The following VPS13B variants were observed in gnomAD, a reference collection of about 807,000 sequenced individuals.
The protein encoded by VPS13B is vacuolar protein sorting 13 homolog B.
VPS13B carries 285 observed loss-of-function variants against 426.4 expected under a neutral mutation model. The observed-to-expected ratio is 0.67, with a 90% CI of 0.61 to 0.74. VPS13B has a LOEUF of 0.74. Ranked by LOEUF, VPS13B falls within the 30% of genes least tolerant of loss-of-function variation. The pLI is 0.00. For missense variants in VPS13B, 4,537 were observed against 4,782.6 expected (o/e 0.95, Z 1.51); for synonymous variants, 1,676 against 1,676.4 (o/e 1.00, Z 0.01).
At chr8:99,183,399 C>T in intron 16 of VPS13B, among the ~76,000 whole-genome samples, 1 of 152,034 alleles carries the variant, frequency 6.6e-6, no homozygotes, top group African/African-American at 2.4e-5. Flanking sequence ...GTTCAACATA[C>T]ATATTGAAAT....
chr8:99,442,783 C>T (rs953013123), intron 23 of VPS13B, 148 bp downstream of exon 23: 1 of 713,062 alleles, frequency 1.4e-6, no homozygotes, highest in African/African-American at 1.8e-5. Flanking sequence ...TAAGTGATGC[C>T]ATTTATTGCC....
At chr8:99,320,290 T>G (rs1809906492) in intron 19 of VPS13B, among the ~76,000 whole-genome samples, 1 of 152,204 alleles carries the variant, frequency 6.6e-6, no homozygotes, top group African/African-American at 2.4e-5. Flanking sequence ...ATTGTTTTGC[T>G]AATGTCAGGA....
At chr8:99,584,462 G>A (rs1003832873) in intron 33 of VPS13B, among the ~76,000 whole-genome samples, 1 of 152,116 alleles carries the variant, frequency 6.6e-6, no homozygotes, top group Non-Finnish European at 1.5e-5. Flanking sequence ...AACTGTCTAC[G>A]CTAGTCTTAT....
chr8:99,766,857 T>A lies in VPS13B; in HGVS notation c.7134T>A (p.Val2378=). The A allele has an allele frequency of 6.2e-7, 1 of 1,614,040 alleles. No individual in the cohort carries two copies. Among genetic ancestry groups the A allele is most frequent in the South Asian group, 1.1e-5 (1 of 91,078 alleles). Reference sequence around the variant, plus strand: ...AATTTAATCTGTCTGAAAGCAAAGTTTGTGAACTGCAGTTGCCGGATATCA... The same window carrying A: ...AATTTAATCTGTCTGAAAGCAAAGTATGTGAACTGCAGTTGCCGGATATCA... ...FREFNLSESK[V]CELQLPDINL... The change falls in exon 40 of 62, where the codon GTT becomes GTA. Residue 2378 remains valine (V), a synonymous_variant. Transcript: ENST00000357162.
rs750125340 is a variant in VPS13B at position 99,720,887 on chromosome 8, A to T, written c.6890A>T (p.Tyr2297Phe). ...DAESLKLPGVYEVLFYNETED... is the reference protein window; with the variant it reads ...DAESLKLPGVFEVLFYNETED... ...GAATCTTTGAAATTGCCTGGGGTCT[A>T]TGAAGTCTTATTTTATAATGAAACT... The change falls in exon 39 of 62, where the codon TAT becomes TTT. Residue 2297 changes from tyrosine (Y) to phenylalanine (F), a missense_variant. Coordinates refer to ENST00000357162, the MANE Select transcript of VPS13B (RefSeq NM_152564.5). 6.2e-7 allele frequency: 1 copy of T among 1,613,764 alleles called. No homozygotes were observed. Among genetic ancestry groups the T allele is most frequent in the South Asian group, 1.1e-5 (1 of 91,062 alleles).
intron 33 of VPS13B, among the ~76,000 whole-genome samples, chr8:99,579,427 TTG>T (rs1310264035): frequency 6.6e-6 from 1 of 152,156 alleles, no homozygotes; most frequent in Non-Finnish European, 1.5e-5. Flanking sequence ...AGATGGAGTC[TTG>T]CACTGTCGCC....
intron 33 of VPS13B, among the ~76,000 whole-genome samples, chr8:99,608,369 A>C (rs1588545783): frequency 6.7e-6 from 1 of 149,172 alleles, no homozygotes; most frequent in African/African-American, 2.5e-5. Context: ...CTAGTCTTGA[A>C]CTCCTGGGCT....
intron 30 of VPS13B, chr8:99,536,886 G>GTACCACTAAACTTTAA (rs1563782913): frequency 2.2e-6 from 1 of 463,596 alleles, no homozygotes; most frequent in Admixed American, 2.5e-5. Context: ...CCAAAAACTA[G>GTACCACTAAACTTTAA]GGAAAAAAAG....
intron 19 of VPS13B, among the ~76,000 whole-genome samples, chr8:99,280,111 A>G (rs1031796136): frequency 1.3e-5 from 2 of 151,384 alleles, no homozygotes; most frequent in South Asian, 2.1e-4. Flanking sequence ...TTCTATTTAC[A>G]TGTCTCCTGC....
chr8:99,443,055 AT>A (rs1016138094), intron 23 of VPS13B, among the ~76,000 whole-genome samples: 122 of 152,202 alleles, frequency 8.0e-4, no homozygotes, highest in African/African-American at 2.8e-3. Context: ...GTATTTTTAG[AT>A]TCCTCATTTG....
intron 19 of VPS13B, among the ~76,000 whole-genome samples, chr8:99,360,160 T>TTCTC (rs1186196754): frequency 2.7e-5 from 1 of 37,344 alleles, no homozygotes; most frequent in African/African-American, 1.3e-4. Context: ...CTTTCTTTCT[T>TTCTC]TCTTTCTTTC....
chr8:99,736,552 G>A (rs1373830426), intron 39 of VPS13B, among the ~76,000 whole-genome samples: 2 of 152,112 alleles, frequency 1.3e-5, no homozygotes, highest in Non-Finnish European at 2.9e-5. Flanking sequence ...CAGTCTAGGC[G>A]ACAGAGCGAG....
intron 42 of VPS13B, among the ~76,000 whole-genome samples, chr8:99,780,002 C>T (rs1219223266): frequency 6.6e-6 from 1 of 152,210 alleles, no homozygotes; most frequent in Admixed American, 6.5e-5. Flanking sequence ...AAATATTTTT[C>T]TTTATATGCA....
intron 43 of VPS13B, among the ~76,000 whole-genome samples, chr8:99,794,401 T>C (rs1015736133): frequency 6.6e-6 from 1 of 152,180 alleles, no homozygotes; most frequent in African/African-American, 2.4e-5. Context: ...GACATTTCCA[T>C]GTATAAAAGT....
chr8:99,476,659 G>GA (rs1477001274), intron 24 of VPS13B, among the ~76,000 whole-genome samples: 2 of 152,070 alleles, frequency 1.3e-5, no homozygotes, highest in Non-Finnish European at 2.9e-5. Context: ...ACGAAGGCCA[G>GA]AAGAACATCT....
chr8:99,250,338 T>C lies in VPS13B; in HGVS notation c.2516-23860T>C, dbSNP rs188523556. The stretch of plus-strand genomic sequence containing the variant: ...TGTAGCTTTTCTTCTCTTAGCAGGG[T>C]CTTTTGCAAAGTAAAAGTTTATAAT... On this transcript the variant is annotated intron_variant, in intron 17 of 61. Transcript: ENST00000357162. 6.3e-3 allele frequency among the ~76,000 whole-genome samples: 959 copies of C among 152,316 alleles called. 7 individuals are homozygous for C. Among genetic ancestry groups the C allele is most frequent in the African/African-American group, 0.022 (900 of 41,572 alleles).
chr8:99,394,047 G>A (rs1268929538), intron 21 of VPS13B, among the ~76,000 whole-genome samples: 1 of 151,734 alleles, frequency 6.6e-6, no homozygotes, highest in African/African-American at 2.4e-5. Flanking sequence ...ACCTTTTTTG[G>A]TTGTTGGTTT....
Position 99,627,926 on chromosome 8 carries a change from C to G in VPS13B, c.5221-13885C>G, listed in dbSNP as rs116059316. Among the ~76,000 whole-genome samples the G allele has an allele frequency of 2.7e-4, 41 of 152,278 alleles. No homozygotes were observed. The East Asian group carries it at 7.7e-3, about 29-fold the overall frequency. ...TGCATCCCCTCTCTCCTACGCACCC[C>G]TCAACCACTGTTCCATTAACCCATA... On this transcript the variant is annotated intron_variant, in intron 33 of 61. Coordinates refer to ENST00000357162, the MANE Select transcript of VPS13B (RefSeq NM_152564.5).
At chr8:99,514,434 T>A (rs1821952702) in intron 29 of VPS13B, among the ~76,000 whole-genome samples, 1 of 152,188 alleles carries the variant, frequency 6.6e-6, no homozygotes, top group Non-Finnish European at 1.5e-5. Flanking sequence ...CTGTAGCCAT[T>A]AAGTAATAGC....
Sources: gnomAD v4.1 joint callset for allele counts (sites outside exome capture counted in the v4.1 genomes callset) on GRCh38, gnomAD v4.1.1 for gene constraint, MANE v1.5 for transcripts, NCBI Gene and HGNC (gene_info 2026-07-23, HGNC 2026-07-21) for gene names.